Variants in ERAP2 observed in about 807,000 individuals in gnomAD.
ERAP2 encodes leukocyte-derived arginine aminopeptidase.
In ERAP2, 118 loss-of-function variants were observed where a neutral mutation model predicts 111.1. That is an observed-to-expected ratio of 1.06 (90% CI 0.92 to 1.24). ERAP2 has a LOEUF of 1.24. ERAP2 is among the 50% of genes most tolerant of loss of function. ERAP2 has a pLI of 0.00. For synonymous variants in ERAP2, 410 were observed against 401.2 expected, an observed-to-expected ratio of 1.02 and a Z score of -0.26; for missense variants, 1,131 against 1,125.8, an observed-to-expected ratio of 1.00 and a Z score of -0.07.
rs763358006 is a variant in ERAP2 at position 96,909,020 on chromosome 5, C to T, written c.2072C>T (p.Thr691Ile). ...ATGACTTACTACCTCCAACATGAAA[C>T]AAGCAGCCCCGCACTTCTCGAAGGT... Reference protein sequence around the residue: ...LDMTYYLQHETSSPALLEGLS... With the variant: ...LDMTYYLQHEISSPALLEGLS... The change falls in exon 14 of 19, where the codon ACA becomes ATA. Residue 691 changes from threonine to isoleucine, a missense_variant. By Grantham distance (89) the Thr-to-Ile change is moderately conservative. This residue lies in a region of ERAP2 where 847 missense variants were observed against 856.5 expected (regional missense o/e 0.99). Coordinates refer to ENST00000437043, the MANE Select transcript of ERAP2 (RefSeq NM_022350.5). 1 of 1,614,164 alleles carries T rather than the reference C, an allele frequency of 6.2e-7. No individual in the cohort carries two copies. Among genetic ancestry groups the T allele is most frequent in the Non-Finnish European group, 8.5e-7 (1 of 1,180,000 alleles).
In ERAP2 at chr5:96,901,688, G is replaced by A; in HGVS notation, c.1748+7G>A. 2 of 1,612,756 alleles carry A rather than the reference G, an allele frequency of 1.2e-6. No homozygotes were observed. Among genetic ancestry groups the A allele is most frequent in the Non-Finnish European group, 1.7e-6 (2 of 1,179,502 alleles). On this transcript the variant is annotated splice_region_variant and intron_variant, in intron 11 of 18. Coordinates refer to ENST00000437043, the MANE Select transcript of ERAP2 (RefSeq NM_022350.5). ...GGAGGGCCCTGCAGGAGAGGTGGCT[G>A]CTTTTCTTCTTTAGGTCTAGCTTAC...
chr5:96,896,057 G>C (rs955677955), intron 7 of ERAP2, among the ~76,000 whole-genome samples: 1 of 152,148 alleles, frequency 6.6e-6, no homozygotes, highest in Non-Finnish European at 1.5e-5. Context: ...GATTGCAGAT[G>C]ATAGGTCTAG....
intron 13 of ERAP2, among the ~76,000 whole-genome samples, 176 bp from the exon 14 acceptor site, chr5:96,908,785 G>C (rs1292086731): frequency 1.3e-5 from 2 of 152,132 alleles, no homozygotes. Flanking sequence ...AGAGAGGTTT[G>C]GTAATTTGTC....
At chr5:96,890,473 G>A (rs1236481193) in intron 5 of ERAP2, among the ~76,000 whole-genome samples, 1 of 152,180 alleles carries the variant, frequency 6.6e-6, no homozygotes, top group Non-Finnish European at 1.5e-5. Flanking sequence ...GCCATTGACA[G>A]GTACTGGTCC....
chr5:96,889,048 A>T (rs1784054433), intron 4 of ERAP2, 137 bp from the exon 5 acceptor site: 2 of 1,035,002 alleles, frequency 1.9e-6, no homozygotes, highest in Admixed American at 2.7e-5. Flanking sequence ...TCTTATCCTT[A>T]TTGACAACAT....
At position 96,882,844 on chromosome 5, in the gene ERAP2, C is replaced by A. The variant is rs150415705; in HGVS notation, c.576-948C>A. Among the ~76,000 whole-genome samples, 1,083 of 152,252 alleles carry A rather than the reference C, an allele frequency of 7.1e-3. 30 individuals are homozygous for A. Among genetic ancestry groups the A allele is most frequent in the Admixed American group, 0.05 (769 of 15,282 alleles). The stretch of plus-strand genomic sequence containing the variant: ...GAAGTAAAATATCCTGACAGCTTCT[C>A]TTTTTTCCCTCCTGACCTCTCTCTC... On this transcript the variant is annotated intron_variant, in intron 2 of 18. Coordinates refer to ENST00000437043, the MANE Select transcript of ERAP2 (RefSeq NM_022350.5).
chr5:96,884,419 A>C (rs1783513958), intron 3 of ERAP2, among the ~76,000 whole-genome samples: 1 of 152,250 alleles, frequency 6.6e-6, no homozygotes, highest in Non-Finnish European at 1.5e-5. Context: ...CAAGGACCTC[A>C]GGGACCCTGC....
At chr5:96,900,004 T>C in intron 9 of ERAP2, 117 bp from the exon 10 acceptor site, 1 of 1,218,062 alleles carries the variant, frequency 8.2e-7, no homozygotes, top group Non-Finnish European at 1.2e-6. Flanking sequence ...CATTATCATG[T>C]CTGGATGAAT....
At chr5:96,892,160 C>T in intron 5 of ERAP2, 139 bp from the exon 6 acceptor site, 2 of 776,738 alleles carry the variant, frequency 2.6e-6, no homozygotes, top group Non-Finnish European at 4.1e-6. Context: ...GACACCCTGT[C>T]AATGTTAAGA....
In ERAP2 at chr5:96,901,390, C is replaced by T. The variant is rs186612435; in HGVS notation, c.1573-116C>T. 1,059 of 1,142,420 alleles carry T rather than the reference C, an allele frequency of 9.3e-4. 5 individuals carry two copies. Among genetic ancestry groups the T allele is most frequent in the Middle Eastern group, 7.1e-3 (34 of 4,776 alleles). The allele number at this position is 1,142,420 out of a possible 1,614,324, so 70.8% of individuals were successfully genotyped here. On this transcript the variant is annotated intron_variant, in intron 10 of 18. Coordinates refer to ENST00000437043, the MANE Select transcript of ERAP2 (RefSeq NM_022350.5). ...ATTACCCTTCCCTGAGATACCAGTC[C>T]GAGTCTTCTGTTCCCCAAGCCTTGT...
intron 1 of ERAP2, among the ~76,000 whole-genome samples, chr5:96,877,055 A>G (rs187664733): frequency 1.3e-3 from 193 of 152,246 alleles, no homozygotes; most frequent in African/African-American, 4.5e-3. Flanking sequence ...GCTCACTGCA[A>G]CTTCCACCTC....
Position 96,886,767 on chromosome 5 carries a change from G to A in ERAP2, c.827G>A (p.Gly276Asp), listed in dbSNP as rs749586522. Residue 276 changes from glycine to aspartate, a missense_variant, in exon 4 of 19, where the codon GGC becomes GAC. Coordinates refer to ENST00000437043, the MANE Select transcript of ERAP2 (RefSeq NM_022350.5). ...GTTTGTGATTTCCACTCTCTGAGTG[G>A]CTTCACTTCATCAGGGGTCAAGGTG... ...YIVCDFHSLSGFTSSGVKVSI... is the reference protein window; with the variant it reads ...YIVCDFHSLSDFTSSGVKVSI... 1.3e-6 allele frequency: 2 copies of A among 1,515,312 alleles called. No individual in the cohort carries two copies. Among genetic ancestry groups the A allele is most frequent in the Non-Finnish European group, 1.8e-6 (2 of 1,113,386 alleles). The allele number at this position is 1,515,312 out of a possible 1,614,324, so 93.9% of individuals were successfully genotyped here.
chr5:96,913,234 T>C, intron 16 of ERAP2, 83 bp from the exon 17 acceptor site: 1 of 1,092,280 alleles, frequency 9.2e-7, no homozygotes, highest in Non-Finnish European at 1.3e-6. Flanking sequence ...TCTGTTCTAT[T>C]CTTTTAATAT....
chr5:96,907,955 G>C (rs1410177002), intron 13 of ERAP2, among the ~76,000 whole-genome samples: 2 of 152,004 alleles, frequency 1.3e-5, no homozygotes, highest in Non-Finnish European at 2.9e-5. Flanking sequence ...CCGTCTTCAG[G>C]TGAAATTTTT....
In ERAP2 at chr5:96,919,313, T is replaced by C. The variant is rs7714122; in HGVS notation, c.*1708T>C. On this transcript the variant is annotated 3_prime_UTR_variant, in exon 19 of 19. Coordinates refer to ENST00000437043, the MANE Select transcript of ERAP2 (RefSeq NM_022350.5). ...TTTTCAGATCATTTCATGGAATCTT[T>C]GAAGTATCTTTGACTCTAACTTTGA... The C allele has an allele frequency of 0.07, 10,736 of 152,440 alleles. 458 individuals carry two copies. The highest frequency in any genetic ancestry group is 0.15 in the Middle Eastern group (45 of 294). The allele number at this position is 152,440 out of a possible 1,614,324, so 9.4% of individuals were successfully genotyped here.
intron 4 of ERAP2, 91 bp from the exon 5 acceptor site, chr5:96,889,092 TAC>T (rs1784059106): frequency 2.1e-6 from 3 of 1,448,674 alleles, no homozygotes; most frequent in South Asian, 2.5e-5. Context: ...CTTGAAAAGA[TAC>T]AGTCTGCCTT....
At chr5:96,909,484 G>A in intron 14 of ERAP2, 96 bp from the exon 15 acceptor site, 1 of 912,228 alleles carries the variant, frequency 1.1e-6, no homozygotes, top group Non-Finnish European at 1.7e-6. Flanking sequence ...GATTGGGAAA[G>A]ATGCAGAAAG....
In ERAP2 at chr5:96,900,165, G is replaced by A. The variant is rs572739163; in HGVS notation, c.1548G>A (p.Ser516=). The part of the protein sequence containing the change: ...SDFTSGGVCH[S]DPKMTSNMLA... Reference sequence around the variant, plus strand: ...TTACATCTGGTGGAGTTTGTCATTCGGATCCCAAGATGACAAGTAACATGG... The same window carrying A: ...TTACATCTGGTGGAGTTTGTCATTCAGATCCCAAGATGACAAGTAACATGG... The change falls in exon 10 of 19, where the codon TCG becomes TCA. Residue 516 remains serine (S), a synonymous_variant. Transcript: ENST00000437043. The A allele has an allele frequency of 1.8e-5, 29 of 1,613,696 alleles. No homozygotes were observed. The highest frequency in any genetic ancestry group is 4.5e-5 in the East Asian group (2 of 44,872).
chr5:96,885,174 T>C (rs1388151056), intron 3 of ERAP2, among the ~76,000 whole-genome samples: 1 of 152,140 alleles, frequency 6.6e-6, no homozygotes, highest in Non-Finnish European at 1.5e-5. Flanking sequence ...CCCAGACGTA[T>C]TTCCCCATAG....
Sources: gnomAD v4.1 joint callset for allele counts (sites outside exome capture counted in the v4.1 genomes callset) on GRCh38, gnomAD v4.1.1 for gene constraint, gnomAD v4.1.1 regional missense constraint, MANE v1.5 for transcripts, NCBI Gene and HGNC (gene_info 2026-07-23, HGNC 2026-07-21) for gene names.